Variants in ADGRV1 observed in about 807,000 individuals in gnomAD.
The protein encoded by ADGRV1 is adhesion G protein-coupled receptor V1, also known as G-protein coupled receptor 98.
In ADGRV1, 359 loss-of-function variants were observed where a neutral mutation model predicts 596.2. The observed-to-expected ratio is 0.60, with a 90% CI of 0.55 to 0.66. ADGRV1 has a LOEUF of 0.66. Ranked by LOEUF, ADGRV1 falls within the 30% of genes least tolerant of loss-of-function variation. The probability of loss-of-function intolerance (pLI) is 0.00; values close to 1 mark genes in which losing one functional copy is unlikely to be tolerated. For synonymous variants in ADGRV1, 2,681 were observed against 2,679.2 expected, an observed-to-expected ratio of 1.00 and a Z score of -0.02; for missense variants, 7,274 against 7,575.6, an observed-to-expected ratio of 0.96 and a Z score of 1.48.
At chr5:90,634,493 T>G (rs549209102) in intron 9 of ADGRV1, among the ~76,000 whole-genome samples, 56 of 152,352 alleles carry the variant, frequency 3.7e-4, no homozygotes, top group African/African-American at 1.2e-3. Context: ...ACATTGCAGT[T>G]CTTTAAATGT....
intron 77 of ADGRV1, among the ~76,000 whole-genome samples, chr5:90,837,415 G>C (rs185629448): frequency 6.9e-6 from 1 of 145,528 alleles, no homozygotes; most frequent in Non-Finnish European, 1.5e-5. Context: ...CTGTCGCCCT[G>C]GCTGGAGTGC....
chr5:91,073,294 G>A (rs1005517321), intron 86 of ADGRV1, among the ~76,000 whole-genome samples: 7 of 152,290 alleles, frequency 4.6e-5, no homozygotes, highest in Non-Finnish European at 8.8e-5. Context: ...TGGGATATTA[G>A]GGAGCAGCTT....
At chr5:90,846,863 T>C (rs1169323261) in intron 78 of ADGRV1, among the ~76,000 whole-genome samples, 2 of 152,226 alleles carry the variant, frequency 1.3e-5, no homozygotes, top group East Asian at 1.9e-4. Flanking sequence ...TGGTCTGTTT[T>C]ACAGAGCGCT....
chr5:90,955,428 T>G (rs1260051861), intron 83 of ADGRV1, among the ~76,000 whole-genome samples: 2 of 152,190 alleles, frequency 1.3e-5, no homozygotes, highest in Non-Finnish European at 2.9e-5. Flanking sequence ...ATATGTTTGT[T>G]TATTCAAACA....
chr5:90,663,641 CT>C (rs1770781042), intron 21 of ADGRV1, among the ~76,000 whole-genome samples: 1 of 152,132 alleles, frequency 6.6e-6, no homozygotes. Context: ...TCAATTTTGT[CT>C]TTTGTTGCCA....
intron 87 of ADGRV1, among the ~76,000 whole-genome samples, chr5:91,111,751 T>C (rs1048811816): frequency 6.6e-6 from 1 of 152,018 alleles, no homozygotes; most frequent in African/African-American, 2.4e-5. Flanking sequence ...GGAATAAACA[T>C]GTAGAAGCCA....
chr5:90,948,693 A>T (rs1434686515), intron 83 of ADGRV1, among the ~76,000 whole-genome samples: 3 of 152,126 alleles, frequency 2.0e-5, no homozygotes, highest in African/African-American at 7.2e-5. Context: ...AGCCTACCTT[A>T]AACAAGCTCT....
At chr5:90,616,586 A>G (rs528085272) in intron 2 of ADGRV1, among the ~76,000 whole-genome samples, 1 of 152,038 alleles carries the variant, frequency 6.6e-6, no homozygotes, top group South Asian at 2.1e-4. Context: ...TTTTTTGTTG[A>G]TATATAATAG....
At chr5:90,863,538 TCA>T (rs1417821168) in intron 82 of ADGRV1, among the ~76,000 whole-genome samples, 1 of 152,204 alleles carries the variant, frequency 6.6e-6, no homozygotes, top group East Asian at 1.9e-4. Context: ...AAAATCCTAT[TCA>T]CATGCCTGAA....
intron 87 of ADGRV1, among the ~76,000 whole-genome samples, chr5:91,122,523 G>T (rs1009876560): frequency 1.3e-5 from 2 of 152,170 alleles, no homozygotes; most frequent in Admixed American, 1.3e-4. Context: ...TCTAGTCATA[G>T]CACATTACTA....
rs1438942131 is a variant in ADGRV1, at chr5:90,647,599, G to A, written c.3124G>A (p.Asp1042Asn). The change falls in exon 17 of 90, where the codon GAT becomes AAT. Residue 1042 changes from aspartate (D) to asparagine (N), a missense_variant. Transcript: ENST00000405460. ...TTGCATGGTCCAGTATGCTACCAAG[G>A]ATGGGAAGGCTACTGCAAGAGAGAG... ...VTCMVQYATK[D>N]GKATARERDF... 2 of 1,613,832 alleles carry A rather than the reference G, an allele frequency of 1.2e-6. No homozygotes were observed. Among genetic ancestry groups the A allele is most frequent in the African/African-American group, 2.7e-5 (2 of 74,902 alleles).
intron 74 of ADGRV1, among the ~76,000 whole-genome samples, chr5:90,811,797 G>A (rs1762462260): frequency 6.6e-6 from 1 of 150,670 alleles, no homozygotes; most frequent in Non-Finnish European, 1.5e-5. Context: ...ACCCAATGTA[G>A]TTGATATAGC....
chr5:90,585,096 A>G (rs1179857363), intron 1 of ADGRV1, among the ~76,000 whole-genome samples: 2 of 152,226 alleles, frequency 1.3e-5, no homozygotes, highest in African/African-American at 2.4e-5. Context: ...TTACACTGGA[A>G]TTTCAACTGA....
intron 83 of ADGRV1, among the ~76,000 whole-genome samples, chr5:90,887,935 T>C (rs1389072951): frequency 2.0e-5 from 3 of 152,172 alleles, no homozygotes; most frequent in African/African-American, 7.2e-5. Flanking sequence ...TTTTCTTTTA[T>C]GTGGAAAAAG....
intron 84 of ADGRV1, among the ~76,000 whole-genome samples, chr5:90,979,449 T>C (rs938500823): frequency 6.6e-6 from 1 of 152,162 alleles, no homozygotes; most frequent in African/African-American, 2.4e-5. Flanking sequence ...GGATTGCAGA[T>C]GTGAGCTACC....
chr5:91,040,912 C>T (rs1445421380), intron 85 of ADGRV1, among the ~76,000 whole-genome samples: 2 of 152,176 alleles, frequency 1.3e-5, no homozygotes, highest in African/African-American at 2.4e-5. Flanking sequence ...AATTTAGGTT[C>T]AGTAAAGAAA....
At chr5:90,824,246 A>G (rs1016097199) in intron 76 of ADGRV1, among the ~76,000 whole-genome samples, 1 of 152,204 alleles carries the variant, frequency 6.6e-6, no homozygotes, top group African/African-American at 2.4e-5. Context: ...TGTCTTTTCA[A>G]TATTACTTTT....
intron 53 of ADGRV1, among the ~76,000 whole-genome samples, chr5:90,750,983 A>G (rs952905185): frequency 2.0e-5 from 3 of 152,232 alleles, no homozygotes; most frequent in Non-Finnish European, 4.4e-5. Context: ...TGTTAGAAAG[A>G]TAAAATTAAC....
chr5:90,613,165 C>G (rs558037266), intron 1 of ADGRV1, among the ~76,000 whole-genome samples: 150 of 152,206 alleles, frequency 9.9e-4, no homozygotes, highest in African/African-American at 3.6e-3. Flanking sequence ...ATGGTTCTGT[C>G]ACGTCTCCTG....
Sources: gnomAD v4.1 joint callset for allele counts (sites outside exome capture counted in the v4.1 genomes callset) on GRCh38, gnomAD v4.1.1 for gene constraint, MANE v1.5 for transcripts, NCBI Gene and HGNC (gene_info 2026-07-23, HGNC 2026-07-21) for gene names.